Variants in NRXN3 observed in about 807,000 individuals in gnomAD.
NRXN3 encodes neurexin 3, also known as neurexin III.
Under a neutral mutation model 137.6 loss-of-function variants are expected in NRXN3, and 32 were observed. That is an observed-to-expected ratio of 0.23 (90% CI 0.18 to 0.31). The LOEUF (loss-of-function observed/expected upper bound fraction) is 0.31. NRXN3 is among the 10% of genes least tolerant of loss of function. The probability of loss-of-function intolerance (pLI) is 1.00; values close to 1 mark genes in which losing one functional copy is unlikely to be tolerated. For synonymous variants in NRXN3, 798 were observed against 784.5 expected, an observed-to-expected ratio of 1.02 and a Z score of -0.29; for missense variants, 1,574 against 2,062.5, an observed-to-expected ratio of 0.76 and a Z score of 4.59.
intron 15 of NRXN3, among the ~76,000 whole-genome samples, chr14:79,082,200 A>G (rs1413762155): frequency 6.6e-6 from 1 of 152,126 alleles, no homozygotes; most frequent in African/African-American, 2.4e-5. Context: ...GCTGTTTTCT[A>G]CTAACATCTT....
Position 78,424,125 on chromosome 14 carries a change from T to C in NRXN3, c.757+126265T>C, listed in dbSNP as rs76512587. On this transcript the variant is annotated intron_variant, in intron 4 of 20. Transcript: ENST00000335750. The stretch of plus-strand genomic sequence containing the variant: ...GGTTCCTAGGCAGGTGGGAGGTCTC[T>C]ATTTGTGTTGAGGTTGCAGCTCTCT... 3.3e-5 allele frequency among the ~76,000 whole-genome samples: 5 copies of C among 152,334 alleles called. No individual in the cohort carries two copies. In the East Asian group the frequency reaches 9.6e-4, roughly 29 times the overall value.
At chr14:79,789,911 G>T (rs1323577955) in intron 19 of NRXN3, among the ~76,000 whole-genome samples, 1 of 152,060 alleles carries the variant, frequency 6.6e-6, no homozygotes, top group Non-Finnish European at 1.5e-5. Context: ...GAGTTGCTCT[G>T]GTTCAAGCAC....
At chr14:78,338,085 GTCTTTCTGTCC>G (rs1338580447) in intron 4 of NRXN3, among the ~76,000 whole-genome samples, 3 of 152,078 alleles carry the variant, frequency 2.0e-5, no homozygotes, top group Admixed American at 2.0e-4. Context: ...AGTGAGCCAG[GTCTTTCTGTCC>G]TCAAAGACTA....
chr14:78,241,682 C>T (rs140352959), intron 1 of NRXN3, among the ~76,000 whole-genome samples: 71 of 151,526 alleles, frequency 4.7e-4, no homozygotes, highest in Non-Finnish European at 9.1e-4. Context: ...TTCCTCTCTT[C>T]AATCTTGGGA....
At chr14:79,169,560 G>T (rs1728008370) in intron 15 of NRXN3, among the ~76,000 whole-genome samples, 1 of 151,964 alleles carries the variant, frequency 6.6e-6, no homozygotes, top group Admixed American at 6.6e-5. Flanking sequence ...GTCTCACCTA[G>T]GTCCAGGCAT....
chr14:79,364,347 TC>T (rs1395003089), intron 15 of NRXN3, among the ~76,000 whole-genome samples: 1 of 152,210 alleles, frequency 6.6e-6, no homozygotes, highest in Non-Finnish European at 1.5e-5. Flanking sequence ...ATAAGGGTGA[TC>T]CAAAAATGTT....
chr14:78,287,651 CTCTT>C (rs1250334418), intron 3 of NRXN3, among the ~76,000 whole-genome samples: 1 of 152,194 alleles, frequency 6.6e-6, no homozygotes, highest in Admixed American at 6.5e-5. Context: ...CATTTGAAAG[CTCTT>C]TCTTATCTCT....
chr14:78,798,814 C>T (rs113882871), intron 8 of NRXN3, among the ~76,000 whole-genome samples: 4,532 of 152,322 alleles, frequency 0.03, 249 homozygotes, highest in African/African-American at 0.1. Flanking sequence ...TGGAAGCTGC[C>T]AAGGCTTGGG....
intron 15 of NRXN3, among the ~76,000 whole-genome samples, chr14:79,040,183 C>G (rs2099622874): frequency 6.6e-6 from 1 of 152,168 alleles, no homozygotes; most frequent in Non-Finnish European, 1.5e-5. Context: ...TTATCTCCTC[C>G]AACCAAAAGT....
intron 1 of NRXN3, among the ~76,000 whole-genome samples, chr14:78,214,198 GC>G (rs1227674616): frequency 6.6e-6 from 1 of 152,154 alleles, no homozygotes; most frequent in Non-Finnish European, 1.5e-5. Context: ...AGCCCCACTG[GC>G]CTTTCAGTCT....
intron 1 of NRXN3, among the ~76,000 whole-genome samples, chr14:78,228,095 A>G (rs1175010856): frequency 6.6e-6 from 1 of 151,954 alleles, no homozygotes; most frequent in African/African-American, 2.4e-5. Flanking sequence ...TGAGACATTA[A>G]TACAATCAAA....
At chr14:79,196,304 G>T (rs985558744) in intron 15 of NRXN3, among the ~76,000 whole-genome samples, 6 of 152,280 alleles carry the variant, frequency 3.9e-5, no homozygotes, top group Middle Eastern at 3.4e-3. Flanking sequence ...AATTTATTTG[G>T]CTCACAGTTC....
intron 8 of NRXN3, among the ~76,000 whole-genome samples, chr14:78,788,935 A>G (rs568307092): frequency 6.6e-6 from 1 of 152,150 alleles, no homozygotes; most frequent in Non-Finnish European, 1.5e-5. Flanking sequence ...CAGCACACCA[A>G]GCAATGATTC....
intron 4 of NRXN3, among the ~76,000 whole-genome samples, chr14:78,399,433 A>G (rs927169913): frequency 2.6e-5 from 4 of 152,216 alleles, no homozygotes; most frequent in Non-Finnish European, 4.4e-5. Flanking sequence ...TGATAAGTGT[A>G]TGAGAAATGA....
At chr14:78,731,698 T>C (rs1023737938) in intron 8 of NRXN3, among the ~76,000 whole-genome samples, 16 of 151,584 alleles carry the variant, frequency 1.1e-4, no homozygotes, top group African/African-American at 1.7e-4. Context: ...TTCTATTCTA[T>C]ATATATATTA....
intron 16 of NRXN3, among the ~76,000 whole-genome samples, chr14:79,504,633 G>C (rs2096854991): frequency 1.2e-5 from 1 of 86,236 alleles, no homozygotes; most frequent in Non-Finnish European, 2.2e-5. Context: ...ATTATAAAAT[G>C]AAGTTTTTTA....
At position 79,618,396 on chromosome 14, in the gene NRXN3, G is replaced by A. The variant is rs562661252; in HGVS notation, c.3445-45382G>A. Among the ~76,000 whole-genome samples the A allele has an allele frequency of 4.3e-4, 65 of 152,164 alleles. 1 individual carries two copies. In the South Asian group the frequency reaches 4.8e-3, roughly 11 times the overall value. The stretch of plus-strand genomic sequence containing the variant: ...CTATTGTTGACATATTTATGTTCAT[G>A]AGTACTCATAGTTTAGCTTGCAATT... On this transcript the variant is annotated intron_variant, in intron 16 of 20. Transcript: ENST00000335750.
intron 15 of NRXN3, among the ~76,000 whole-genome samples, chr14:79,053,219 C>G (rs562753846): frequency 1.3e-5 from 2 of 152,252 alleles, no homozygotes; most frequent in African/African-American, 4.8e-5. Flanking sequence ...AACATTTGCC[C>G]AGCACTTAGT....
intron 4 of NRXN3, among the ~76,000 whole-genome samples, chr14:78,600,055 TAAGAG>T (rs1032267638): frequency 6.6e-6 from 1 of 152,108 alleles, no homozygotes; most frequent in African/African-American, 2.4e-5. Flanking sequence ...CTTAGACACA[TAAGAG>T]AGGGAGTGCC....
Sources: allele counts gnomAD v4.1 joint callset (sites outside exome capture counted in the v4.1 genomes callset), GRCh38; gene constraint gnomAD v4.1.1; transcripts MANE v1.5; gene names NCBI Gene and HGNC (gene_info 2026-07-23, HGNC 2026-07-21).